The following PTPRM variants were observed in gnomAD, a reference collection of about 807,000 sequenced individuals.
The protein encoded by PTPRM is protein tyrosine phosphatase receptor type M.
PTPRM carries 47 observed loss-of-function variants against 186.7 expected under a neutral mutation model. The observed-to-expected ratio is 0.25, with a 90% CI of 0.20 to 0.32. PTPRM has a LOEUF of 0.32. Among genes scored for constraint, PTPRM ranks in the 10% least tolerant of loss-of-function variants. The pLI, the probability that PTPRM is intolerant of heterozygous loss-of-function variation, is 1.00. For missense variants in PTPRM, 1,494 were observed against 1,865.0 expected (o/e 0.80, Z 3.66); for synonymous variants, 668 against 674.9 (o/e 0.99, Z 0.16).
chr18:8,020,875 G>A (rs552713333), intron 7 of PTPRM, among the ~76,000 whole-genome samples: 1 of 152,282 alleles, frequency 6.6e-6, no homozygotes, highest in African/African-American at 2.4e-5. Flanking sequence ...GTGAGGTACT[G>A]TTTAGTGTCG....
intron 1 of PTPRM, among the ~76,000 whole-genome samples, chr18:7,571,245 A>G (rs2036560316): frequency 6.6e-6 from 1 of 152,110 alleles, no homozygotes; most frequent in Admixed American, 6.5e-5. Flanking sequence ...CAGGCTGAAA[A>G]ATTGTTTTTT....
intron 14 of PTPRM, among the ~76,000 whole-genome samples, chr18:8,210,482 C>T (rs996703196): frequency 5.3e-5 from 8 of 152,176 alleles, no homozygotes; most frequent in African/African-American, 1.9e-4. Flanking sequence ...CCTTCCCCTA[C>T]AGGTTTCAGA....
intron 1 of PTPRM, among the ~76,000 whole-genome samples, chr18:7,759,321 A>C (rs1227671612): frequency 6.6e-6 from 1 of 152,260 alleles, no homozygotes; most frequent in East Asian, 1.9e-4. Flanking sequence ...TCCAAGCCAC[A>C]GATAATCAAA....
At chr18:7,694,012 C>A (rs1035916114) in intron 1 of PTPRM, among the ~76,000 whole-genome samples, 1 of 152,154 alleles carries the variant, frequency 6.6e-6, no homozygotes, top group Non-Finnish European at 1.5e-5. Flanking sequence ...ACTCAGTAGG[C>A]CGTGGGGTGT....
At chr18:7,925,759 G>A (rs992312497) in intron 4 of PTPRM, among the ~76,000 whole-genome samples, 1 of 152,160 alleles carries the variant, frequency 6.6e-6, no homozygotes, top group Non-Finnish European at 1.5e-5. Flanking sequence ...ATAAGGAAAT[G>A]TTTTCCTAAA....
At chr18:8,132,577 C>G (rs2092537774) in intron 13 of PTPRM, among the ~76,000 whole-genome samples, 1 of 152,084 alleles carries the variant, frequency 6.6e-6, no homozygotes, top group Non-Finnish European at 1.5e-5. Context: ...AGCCCCAGAC[C>G]ATTGTAATTA....
intron 7 of PTPRM, among the ~76,000 whole-genome samples, chr18:8,033,876 G>A (rs2086157531): frequency 1.3e-5 from 2 of 152,192 alleles, no homozygotes; most frequent in Non-Finnish European, 2.9e-5. Flanking sequence ...TGAAATCAAG[G>A]TGTTGGCAGG....
chr18:7,979,907 C>T (rs1240834018), intron 7 of PTPRM, among the ~76,000 whole-genome samples: 2 of 152,140 alleles, frequency 1.3e-5, no homozygotes, highest in Non-Finnish European at 2.9e-5. Flanking sequence ...CCTTGTCCCG[C>T]CCTGGGTTGA....
At chr18:8,253,017 T>C (rs1262269174) in intron 18 of PTPRM, among the ~76,000 whole-genome samples, 1 of 152,200 alleles carries the variant, frequency 6.6e-6, no homozygotes, top group African/African-American at 2.4e-5. Context: ...TGGACTGCTT[T>C]GTAAAAGAAA....
intron 1 of PTPRM, among the ~76,000 whole-genome samples, chr18:7,657,796 T>G (rs972304966): frequency 6.6e-6 from 1 of 152,226 alleles, no homozygotes; most frequent in Non-Finnish European, 1.5e-5. Context: ...GCACTTGCCT[T>G]GTTTATCAAG....
chr18:8,295,541 C>T (rs953399744), intron 19 of PTPRM, among the ~76,000 whole-genome samples: 78 of 152,270 alleles, frequency 5.1e-4, no homozygotes, highest in Non-Finnish European at 7.9e-4. Flanking sequence ...TCCTCTTTCC[C>T]TCTCTCTTCC....
In PTPRM at chr18:8,314,849, T is replaced by C; in HGVS notation, c.2911T>C (p.Tyr971His). The stretch of plus-strand genomic sequence containing the variant: ...AAACTCAGACTATATCAATGGCAAT[T>C]ATATCGATGTATGTATTTTATTATT... The part of the protein sequence containing the change: ...DTNSDYINGN[Y>H]IDGYHRPNHY... The change falls in exon 21 of 33, where the codon TAT (tyrosine) becomes CAT (histidine). Residue 971 changes from tyrosine to histidine, a missense_variant. Physicochemically the swap from Tyr to His is moderately conservative, Grantham distance 83. Around this residue, in one of 3 missense-constraint regions of PTPRM, gnomAD observed 1,107 missense variants for 1,350.2 expected, o/e 0.82. Coordinates refer to ENST00000580170, the MANE Select transcript of PTPRM (RefSeq NM_001105244.2). The C allele has an allele frequency of 6.3e-7, 1 of 1,579,880 alleles. No individual in the cohort carries two copies. The highest frequency in any genetic ancestry group is 8.7e-7 in the Non-Finnish European group (1 of 1,150,528).
intron 31 of PTPRM, among the ~76,000 whole-genome samples, chr18:8,390,617 A>G (rs1379639697): frequency 6.6e-6 from 1 of 152,234 alleles, no homozygotes; most frequent in Non-Finnish European, 1.5e-5. Context: ...AAAACTTGAC[A>G]GGTACTTCAC....
chr18:7,916,567 T>C (rs2050568566), intron 4 of PTPRM, among the ~76,000 whole-genome samples: 1 of 152,204 alleles, frequency 6.6e-6, no homozygotes, highest in Non-Finnish European at 1.5e-5. Flanking sequence ...TTTTTTGTTG[T>C]GTCCTCACAT....
intron 20 of PTPRM, among the ~76,000 whole-genome samples, chr18:8,308,487 T>C (rs73939426): frequency 0.02 from 2,998 of 152,324 alleles, 102 homozygotes; most frequent in African/African-American, 0.069. Flanking sequence ...AATAAATTAC[T>C]TAAGTTTAGT....
At chr18:8,237,482 C>T (rs1168736424) in intron 14 of PTPRM, among the ~76,000 whole-genome samples, 2 of 114,566 alleles carry the variant, frequency 1.7e-5, no homozygotes, top group African/African-American at 6.4e-5. Context: ...GAGTTTCGCT[C>T]TTGTTGCCCA....
chr18:7,907,778 A>G (rs112893979), intron 4 of PTPRM, among the ~76,000 whole-genome samples: 5,324 of 152,038 alleles, frequency 0.035, 151 homozygotes, highest in African/African-American at 0.079. Flanking sequence ...GTGTATGCGC[A>G]TGTGTGTGCT....
intron 1 of PTPRM, among the ~76,000 whole-genome samples, chr18:7,708,455 A>G (rs1287910832): frequency 6.6e-6 from 1 of 152,214 alleles, no homozygotes; most frequent in Non-Finnish European, 1.5e-5. Flanking sequence ...GGCTTTTTAT[A>G]CTACTGGCTT....
chr18:8,344,662 C>A (rs1343230149), intron 23 of PTPRM, among the ~76,000 whole-genome samples: 6 of 151,672 alleles, frequency 4.0e-5, no homozygotes, highest in African/African-American at 1.5e-4. Context: ...AAAGTGAGGA[C>A]TAGAGATCCT....
Sources: allele counts gnomAD v4.1 joint callset (sites outside exome capture counted in the v4.1 genomes callset), GRCh38; gene constraint gnomAD v4.1.1; regional missense constraint gnomAD v4.1.1; transcripts MANE v1.5; gene names NCBI Gene and HGNC (gene_info 2026-07-23, HGNC 2026-07-21).